CSMD1: variants seen among roughly 807,000 people sequenced by gnomAD.
CSMD1 encodes the protein CUB and Sushi multiple domains 1.
A neutral mutation model predicts 417.5 loss-of-function variants in CSMD1; 213 were observed. The ratio of observed to expected loss-of-function variants is 0.51; its 90% CI spans 0.46 to 0.57. CSMD1 has a LOEUF of 0.57. Ranked by LOEUF, CSMD1 falls within the 20% of genes least tolerant of loss-of-function variation. The probability of loss-of-function intolerance (pLI) is 0.00; values close to 1 mark genes in which losing one functional copy is unlikely to be tolerated. For missense variants in CSMD1, 6,923 were observed against 4,529.7 expected (o/e 1.53, Z -15.17); for synonymous variants, 2,862 against 1,736.8 (o/e 1.65, Z -16.11).
At chr8:3,872,835 G>C (rs1330801914) in intron 5 of CSMD1, among the ~76,000 whole-genome samples, 1 of 129,542 alleles carries the variant, frequency 7.7e-6, no homozygotes, top group East Asian at 2.5e-4. Context: ...CAATAAGACA[G>C]CTCCAAAAAA....
At chr8:4,764,169 C>T in intron 1 of CSMD1, among the ~76,000 whole-genome samples, 1 of 152,164 alleles carries the variant, frequency 6.6e-6, no homozygotes, top group East Asian at 1.9e-4. Context: ...AAGGAGCACC[C>T]ACTGCTGAAA....
intron 6 of CSMD1, among the ~76,000 whole-genome samples, chr8:3,710,138 A>C (rs568919962): frequency 1.3e-5 from 2 of 151,936 alleles, no homozygotes; most frequent in South Asian, 4.2e-4. Context: ...TTTTTTCCTG[A>C]TATTTTTAGG....
At chr8:3,385,681 G>A (rs961974642) in intron 18 of CSMD1, among the ~76,000 whole-genome samples, 4 of 152,038 alleles carry the variant, frequency 2.6e-5, no homozygotes, top group Non-Finnish European at 5.9e-5. Context: ...TTATGAAAGC[G>A]ATATATTATT....
chr8:3,607,189 C>G (rs1042334701), intron 8 of CSMD1, among the ~76,000 whole-genome samples: 2 of 152,144 alleles, frequency 1.3e-5, no homozygotes, highest in Non-Finnish European at 2.9e-5. Context: ...AACAAGCGCA[C>G]TAGCCTAGGC....
At chr8:3,170,460 G>C (rs762357371) in intron 37 of CSMD1, among the ~76,000 whole-genome samples, 139 of 152,236 alleles carry the variant, frequency 9.1e-4, no homozygotes, top group Non-Finnish European at 1.4e-3. Flanking sequence ...CGCCCGCCTC[G>C]GCCTCCCAAA....
At chr8:3,117,631 T>G (rs1816946941) in intron 42 of CSMD1, among the ~76,000 whole-genome samples, 1 of 152,222 alleles carries the variant, frequency 6.6e-6, no homozygotes, top group Non-Finnish European at 1.5e-5. Context: ...GATCTATTTA[T>G]TTTAATTAGA....
At chr8:4,027,664 T>G (rs187632151) in intron 4 of CSMD1, among the ~76,000 whole-genome samples, 1 of 152,168 alleles carries the variant, frequency 6.6e-6, no homozygotes, top group Non-Finnish European at 1.5e-5. Flanking sequence ...TTCTTCATAG[T>G]AGCATGATAA....
At chr8:3,355,366 TCTAA>T (rs1311023785) in intron 21 of CSMD1, among the ~76,000 whole-genome samples, 1 of 152,208 alleles carries the variant, frequency 6.6e-6, no homozygotes, top group African/African-American at 2.4e-5. Flanking sequence ...ATATATACTC[TCTAA>T]CTTTGCTCCT....
At chr8:4,379,890 C>T (rs1368887129) in intron 3 of CSMD1, among the ~76,000 whole-genome samples, 3 of 152,180 alleles carry the variant, frequency 2.0e-5, no homozygotes, top group Non-Finnish European at 2.9e-5. Flanking sequence ...TGATGGAAGC[C>T]GTGTTCCACA....
At chr8:4,192,685 A>T (rs745751839) in intron 3 of CSMD1, among the ~76,000 whole-genome samples, 1 of 152,056 alleles carries the variant, frequency 6.6e-6, no homozygotes, top group Admixed American at 6.6e-5. Context: ...TTAAATCTTA[A>T]ATCTGTATTG....
intron 1 of CSMD1, among the ~76,000 whole-genome samples, chr8:4,696,829 A>C (rs1409340088): frequency 1.3e-5 from 2 of 152,232 alleles, no homozygotes; most frequent in Non-Finnish European, 2.9e-5. Context: ...TTCCACAAAA[A>C]TCACAAAATG....
chr8:3,962,670 G>A (rs1215532908), intron 5 of CSMD1, among the ~76,000 whole-genome samples: 2 of 152,124 alleles, frequency 1.3e-5, no homozygotes, highest in African/African-American at 2.4e-5. Flanking sequence ...ATGGAAATCA[G>A]AGCAGCTGGG....
chr8:4,241,190 C>G (rs1442694475), intron 3 of CSMD1, among the ~76,000 whole-genome samples: 3 of 152,168 alleles, frequency 2.0e-5, no homozygotes, highest in Non-Finnish European at 4.4e-5. Context: ...CGTGAACTCT[C>G]CAGTCAAACA....
At chr8:4,742,568 TG>T (rs1810692136) in intron 1 of CSMD1, among the ~76,000 whole-genome samples, 1 of 151,990 alleles carries the variant, frequency 6.6e-6, no homozygotes, top group African/African-American at 2.4e-5. Context: ...GTAAGAGAAA[TG>T]TTTTTTTATT....
In CSMD1 at chr8:4,446,041, G is replaced by C. The variant is rs114952288; in HGVS notation, c.303-25976C>G. Among the ~76,000 whole-genome samples the C allele has an allele frequency of 1.6e-4, 24 of 152,296 alleles. No individual in the cohort carries two copies. The East Asian group carries it at 3.9e-3, about 25-fold the overall frequency. On this transcript the variant is annotated intron_variant, in intron 2 of 69. Transcript: ENST00000635120. ...TGCCAACTCTTAGGAACTTGACACA[G>C]CCCAAGAAGAGGAGACGAGGCTGTT...
chr8:4,710,272 A>G (rs1166406933), intron 1 of CSMD1, among the ~76,000 whole-genome samples: 2 of 151,816 alleles, frequency 1.3e-5, no homozygotes, highest in Non-Finnish European at 1.5e-5. Flanking sequence ...TTTTATATAC[A>G]TTTGCATGTT....
chr8:4,449,787 C>A (rs1433352809), intron 2 of CSMD1, among the ~76,000 whole-genome samples: 2 of 151,964 alleles, frequency 1.3e-5, no homozygotes, highest in East Asian at 3.9e-4. Flanking sequence ...TATGTTTGGG[C>A]ATTTTTACAT....
intron 2 of CSMD1, among the ~76,000 whole-genome samples, chr8:4,530,821 C>T (rs752015938): frequency 5.9e-5 from 9 of 151,808 alleles, no homozygotes; most frequent in Non-Finnish European, 8.8e-5. Context: ...ATAAATCATT[C>T]TACTATAGGC....
intron 3 of CSMD1, among the ~76,000 whole-genome samples, chr8:4,184,466 G>C (rs763550482): frequency 2.0e-5 from 3 of 152,100 alleles, no homozygotes; most frequent in Non-Finnish European, 4.4e-5. Context: ...CAACCTCAAA[G>C]GCCACCAATG....
Sources: gnomAD v4.1 joint callset for allele counts (sites outside exome capture counted in the v4.1 genomes callset) on GRCh38, gnomAD v4.1.1 for gene constraint, MANE v1.5 for transcripts, NCBI Gene and HGNC (gene_info 2026-07-23, HGNC 2026-07-21) for gene names.